The following MAML3 variants were observed in gnomAD, a reference collection of about 807,000 sequenced individuals.
The protein encoded by MAML3 is mastermind like transcriptional coactivator 3.
In MAML3, 27 loss-of-function variants were observed where a neutral mutation model predicts 101.9. The ratio of observed to expected loss-of-function variants is 0.27; its 90% CI spans 0.20 to 0.37. MAML3 has a LOEUF of 0.37. MAML3 is among the 10% of genes least tolerant of loss of function. MAML3 has a pLI of 1.00. For missense variants in MAML3, 1,316 were observed against 1,444.9 expected (o/e 0.91, Z 1.45); for synonymous variants, 501 against 555.9 (o/e 0.90, Z 1.39).
chr4:139,784,433 T>C (rs574289419), intron 2 of MAML3, among the ~76,000 whole-genome samples: 7 of 152,160 alleles, frequency 4.6e-5, no homozygotes, highest in Non-Finnish European at 1.0e-4. Context: ...ACTGCAGGGC[T>C]CTGGGCTTAC....
At chr4:139,986,413 C>T (rs1034752172) in intron 1 of MAML3, among the ~76,000 whole-genome samples, 2 of 152,190 alleles carry the variant, frequency 1.3e-5, no homozygotes, top group Admixed American at 1.3e-4. Flanking sequence ...TTTTATTTAA[C>T]AGAACTACAG....
intron 1 of MAML3, among the ~76,000 whole-genome samples, chr4:140,118,034 C>T (rs939924885): frequency 3.3e-5 from 5 of 151,890 alleles, no homozygotes; most frequent in African/African-American, 4.8e-5. Flanking sequence ...TTTTTTTAAT[C>T]TTCTAAAATG....
At chr4:139,964,255 A>C (rs1158204846) in intron 1 of MAML3, among the ~76,000 whole-genome samples, 1 of 152,216 alleles carries the variant, frequency 6.6e-6, no homozygotes, top group Admixed American at 6.5e-5. Context: ...ATACTGTGCA[A>C]CCATAAAAAG....
In MAML3 at chr4:140,039,507, C is replaced by T. The variant is rs573347617; in HGVS notation, c.468+113353G>A. On this transcript the variant is annotated intron_variant, in intron 1 of 4. Coordinates refer to ENST00000509479, the MANE Select transcript of MAML3 (RefSeq NM_018717.5). ...TACCATTCTCTGAATCACCAGGCCCCTAACCTTGAAGGTTATGTCTCCTCT... is the reference window on the plus strand; with the variant it reads ...TACCATTCTCTGAATCACCAGGCCCTTAACCTTGAAGGTTATGTCTCCTCT... 1.8e-4 allele frequency among the ~76,000 whole-genome samples: 28 copies of T among 152,302 alleles called. No homozygotes were observed. In the South Asian group the frequency reaches 5.4e-3, roughly 29 times the overall value.
At chr4:140,096,663 C>A (rs1434159850) in intron 1 of MAML3, among the ~76,000 whole-genome samples, 2 of 152,080 alleles carry the variant, frequency 1.3e-5, no homozygotes, top group Non-Finnish European at 2.9e-5. Context: ...CAGAAGAGAA[C>A]CCTGACAAAC....
At chr4:140,072,078 C>A (rs1345364834) in intron 1 of MAML3, among the ~76,000 whole-genome samples, 1 of 152,112 alleles carries the variant, frequency 6.6e-6, no homozygotes, top group Non-Finnish European at 1.5e-5. Context: ...GCTTTCATTC[C>A]ACCCACTCCC....
intron 1 of MAML3, among the ~76,000 whole-genome samples, chr4:140,021,330 T>C (rs1261847063): frequency 6.6e-6 from 1 of 152,186 alleles, no homozygotes; most frequent in African/African-American, 2.4e-5. Context: ...AGAAATTAAC[T>C]AGGGCTGGAA....
rs549570332 is a variant in MAML3, at chr4:139,943,963, C to T, written c.469-52996G>A. Among the ~76,000 whole-genome samples, 58 of 149,972 alleles carry T rather than the reference C, an allele frequency of 3.9e-4. No homozygotes were observed. The South Asian group carries it at 0.011, about 27-fold the overall frequency. ...TCAGCTCACTGCAACCTCCGCCTCC[C>T]GGGTTCAAGCGATTCTCCTGCCTCA... On this transcript the variant is annotated intron_variant, in intron 1 of 4. Coordinates refer to ENST00000509479, the MANE Select transcript of MAML3 (RefSeq NM_018717.5).
chr4:139,890,630 A>C lies in MAML3; in HGVS notation c.806T>G (p.Leu269Trp). The C allele has an allele frequency of 6.2e-7, 1 of 1,613,948 alleles. No individual in the cohort carries two copies. Among genetic ancestry groups the C allele is most frequent in the Non-Finnish European group, 8.5e-7 (1 of 1,179,818 alleles). ...CSDLEDSFTI[L>W]QSKDLKQEPL... is the part of the protein sequence containing the mutation. ...TTCTTGTTTGAGGTCTTTGCTCTGCAAGATGGTGAAGCTATCCTCCAGGTC... is the reference window on the plus strand; with the variant it reads ...TTCTTGTTTGAGGTCTTTGCTCTGCCAGATGGTGAAGCTATCCTCCAGGTC... Residue 269 changes from leucine to tryptophan, a missense_variant, in exon 2 of 5, where the codon TTG becomes TGG. Transcript: ENST00000509479. This position sits in a 1 kb window ranked among gnomAD's most constrained non-coding sequence, Gnocchi z 4.1.
intron 2 of MAML3, among the ~76,000 whole-genome samples, chr4:139,834,612 T>C (rs1731226718): frequency 6.6e-6 from 1 of 152,234 alleles, no homozygotes; most frequent in East Asian, 1.9e-4. Context: ...ATGCTGATGC[T>C]GATGGTTCCC....
intron 1 of MAML3, among the ~76,000 whole-genome samples, chr4:139,983,402 A>G (rs28577082): frequency 0.024 from 3,694 of 152,280 alleles, 149 homozygotes; most frequent in African/African-American, 0.082. Flanking sequence ...TATAATAGAG[A>G]GGTAATAGTC....
At chr4:140,093,983 G>A (rs6832356) in intron 1 of MAML3, among the ~76,000 whole-genome samples, 27,068 of 152,164 alleles carry the variant, frequency 0.18, 2,754 homozygotes, top group Middle Eastern at 0.3. Context: ...ACAGCAGGAG[G>A]GCCAGCAGCT....
At chr4:140,006,767 G>A (rs1283252123) in intron 1 of MAML3, among the ~76,000 whole-genome samples, 1 of 152,046 alleles carries the variant, frequency 6.6e-6, no homozygotes, top group East Asian at 1.9e-4. Context: ...AATTAAAATT[G>A]ATATTCTATA....
intron 1 of MAML3, among the ~76,000 whole-genome samples, chr4:140,126,238 C>T (rs1728684436): frequency 6.6e-6 from 1 of 151,356 alleles, no homozygotes; most frequent in Non-Finnish European, 1.5e-5. Context: ...AAAGGTTTAC[C>T]AACTACTTGA....
chr4:140,085,306 G>C (rs1560888766), intron 1 of MAML3, among the ~76,000 whole-genome samples: 1 of 152,154 alleles, frequency 6.6e-6, no homozygotes, highest in Non-Finnish European at 1.5e-5. Context: ...CATAGAGCTG[G>C]TCTAAGTGGA....
At position 139,928,423 on chromosome 4, in the gene MAML3, G is replaced by T. The variant is rs76445821; in HGVS notation, c.469-37456C>A. On this transcript the variant is annotated intron_variant, in intron 1 of 4. Transcript: ENST00000509479. ...TGGGCTACAAGAAAACATATTAAAA[G>T]AATACAGAGAGTAAGGACTGTTTGG... Among the ~76,000 whole-genome samples, 792 of 152,268 alleles carry T rather than the reference G, an allele frequency of 5.2e-3. 5 individuals carry two copies. The highest frequency in any genetic ancestry group is 0.018 in the African/African-American group (748 of 41,546).
At chr4:139,846,470 C>T (rs1201080550) in intron 2 of MAML3, among the ~76,000 whole-genome samples, 1 of 152,162 alleles carries the variant, frequency 6.6e-6, no homozygotes, top group African/African-American at 2.4e-5. Context: ...ACCTCAGCCT[C>T]CCAAGTAGCT....
At chr4:140,034,260 C>T (rs75257688) in intron 1 of MAML3, among the ~76,000 whole-genome samples, 3 of 152,298 alleles carry the variant, frequency 2.0e-5, no homozygotes, top group East Asian at 3.9e-4. Flanking sequence ...TTAGACTCAA[C>T]CTGGAAGTTA....
chr4:139,943,888 T>TTTTTTTTTTTTTTTTTTTTTA (rs1733654458), intron 1 of MAML3, among the ~76,000 whole-genome samples: 3 of 143,616 alleles, frequency 2.1e-5, no homozygotes, highest in African/African-American at 2.7e-5. Context: ...TTTTTTTTTT[T>TTTTTTTTTTTTTTTTTTTTTA]GAGACGGAAT....
Sources: gnomAD v4.1 joint callset for allele counts (sites outside exome capture counted in the v4.1 genomes callset) on GRCh38, gnomAD v4.1.1 for gene constraint, Gnocchi (gnomAD v3.1) non-coding constraint, MANE v1.5 for transcripts, NCBI Gene and HGNC (gene_info 2026-07-23, HGNC 2026-07-21) for gene names.